The following ATP6V0A4 variants were observed in gnomAD, a reference collection of about 807,000 sequenced individuals.
ATP6V0A4 encodes V-type proton ATPase 116 kDa subunit a 4.
ATP6V0A4 carries 86 observed loss-of-function variants against 107.3 expected under a neutral mutation model. The ratio of observed to expected loss-of-function variants is 0.80; its 90% CI spans 0.67 to 0.96. ATP6V0A4 has a LOEUF of 0.96. Ranked by LOEUF, ATP6V0A4 falls within the 40% of genes least tolerant of loss-of-function variation. The probability of loss-of-function intolerance (pLI) is 0.00; values close to 1 mark genes in which losing one functional copy is unlikely to be tolerated. For synonymous variants in ATP6V0A4, 353 were observed against 381.4 expected, an observed-to-expected ratio of 0.93 and a Z score of 0.87; for missense variants, 908 against 1,045.6, an observed-to-expected ratio of 0.87 and a Z score of 1.81.
In ATP6V0A4 at chr7:138,769,312, C is replaced by CTTTT. The variant is rs540481545; in HGVS notation, c.118-65_118-62dup. 399 of 1,325,046 alleles carry CTTTT rather than the reference C, an allele frequency of 3.0e-4. 1 individual carries two copies. The Admixed American group carries it at 4.1e-3, about 14-fold the overall frequency. 82.1% of individuals were successfully genotyped at this position (1,325,046 alleles called of 1,614,324 possible). On this transcript the variant is annotated intron_variant, in intron 3 of 21. Transcript: ENST00000310018. ...GCAACAGCTGCCAATAGATTTCTTT[C>CTTTT]TTTTTTTTTTTTTTTTTTTGAGACT...
At chr7:138,727,661 G>T (rs573868126) in intron 18 of ATP6V0A4, among the ~76,000 whole-genome samples, 52 of 152,264 alleles carry the variant, frequency 3.4e-4, no homozygotes, top group Non-Finnish European at 6.5e-4. Flanking sequence ...ATCCAACAAA[G>T]ATCTCAGAAA....
chr7:138,734,028 G>A, intron 16 of ATP6V0A4, 108 bp downstream of exon 16: 1 of 1,312,348 alleles, frequency 7.6e-7, no homozygotes, highest in Non-Finnish European at 1.1e-6. Flanking sequence ...ACCCCTCATA[G>A]GAAGAAAACT....
intron 2 of ATP6V0A4, among the ~76,000 whole-genome samples, chr7:138,778,483 C>G (rs1337197264): frequency 6.6e-6 from 1 of 151,408 alleles, no homozygotes; most frequent in Non-Finnish European, 1.5e-5. Flanking sequence ...AGTCTGAAAT[C>G]TAAAACACTT....
At chr7:138,738,795 C>T (rs1202570539) in intron 15 of ATP6V0A4, among the ~76,000 whole-genome samples, 3 of 152,102 alleles carry the variant, frequency 2.0e-5, no homozygotes, top group South Asian at 2.1e-4. Flanking sequence ...TTGTCAGCAA[C>T]GAAAACGGAG....
chr7:138,772,453 G>A (rs1474742408), intron 2 of ATP6V0A4, among the ~76,000 whole-genome samples: 2 of 152,162 alleles, frequency 1.3e-5, no homozygotes, highest in African/African-American at 4.8e-5. Flanking sequence ...ATGCCCACGG[G>A]TGAGTGGGGC....
intron 18 of ATP6V0A4, 105 bp downstream of exon 18, chr7:138,728,656 C>A (rs1804835186): frequency 2.0e-6 from 3 of 1,500,368 alleles, no homozygotes. Flanking sequence ...CACCATTCTT[C>A]TGGCCCTGGC....
intron 19 of ATP6V0A4, among the ~76,000 whole-genome samples, chr7:138,716,566 AT>A (rs35748444): frequency 0.59 from 74,935 of 126,606 alleles, 19,417 homozygotes; most frequent in African/African-American, 0.66. Flanking sequence ...GTGACAGACA[AT>A]TTTTTTTTGG....
chr7:138,709,580 T>C, intron 21 of ATP6V0A4, 44 bp downstream of exon 21: 3 of 1,597,258 alleles, frequency 1.9e-6, no homozygotes, highest in South Asian at 1.1e-5. Context: ...GCCCACTCCC[T>C]TTCCCAACAC....
At chr7:138,780,490 G>C (rs2130184472) in intron 2 of ATP6V0A4, among the ~76,000 whole-genome samples, 1 of 152,288 alleles carries the variant, frequency 6.6e-6, no homozygotes, top group African/African-American at 2.4e-5. Flanking sequence ...ATAGCTGGCG[G>C]ATCACCCCAG....
chr7:138,725,133 A>G (rs1356591110), intron 18 of ATP6V0A4, among the ~76,000 whole-genome samples: 2 of 152,100 alleles, frequency 1.3e-5, no homozygotes, highest in African/African-American at 4.8e-5. Flanking sequence ...ATAGCTGGGC[A>G]TTGTGGTGCA....
rs750420028 is a variant in ATP6V0A4 at position 138,768,807 on chromosome 7, C to T, written c.264G>A (p.Pro88=). Residue 88 remains proline (P), a synonymous_variant, in exon 5 of 22, where the codon CCG becomes CCA. Transcript: ENST00000310018. The stretch of plus-strand genomic sequence containing the variant: ...CCAGGGTAATCATTTCCCGTGGGAG[C>T]GGGGTCAGTGGGCTTTTCTCGAGCA... ...VQLLEKSPLT[P]LPREMITLET... 2.3e-5 allele frequency: 37 copies of T among 1,614,040 alleles called. No homozygotes were observed. Among genetic ancestry groups the T allele is most frequent in the Non-Finnish European group, 2.8e-5 (33 of 1,180,032 alleles).
intron 5 of ATP6V0A4, among the ~76,000 whole-genome samples, chr7:138,766,531 A>G (rs1807102024): frequency 1.3e-5 from 2 of 151,796 alleles, no homozygotes; most frequent in South Asian, 2.1e-4. Flanking sequence ...TTTTTTTTTA[A>G]TCCATCTAAG....
chr7:138,750,417 G>C (rs531665983), intron 11 of ATP6V0A4, among the ~76,000 whole-genome samples: 19 of 152,134 alleles, frequency 1.2e-4, no homozygotes, highest in Admixed American at 1.0e-3. Flanking sequence ...TGTTACACAG[G>C]CTGGTCTTGA....
At chr7:138,730,193 T>G (rs1235611271) in intron 17 of ATP6V0A4, among the ~76,000 whole-genome samples, 3 of 151,938 alleles carry the variant, frequency 2.0e-5, no homozygotes, top group Non-Finnish European at 4.4e-5. Context: ...CTCACTCTAC[T>G]TTTAAATGTC....
At position 138,734,309 on chromosome 7, in the gene ATP6V0A4, T is replaced by C. The variant is rs1805193063; in HGVS notation, c.1573-55A>G. 1.9e-6 allele frequency: 3 copies of C among 1,607,888 alleles called. No homozygotes were observed. The South Asian group carries it at 3.3e-5, about 18-fold the overall frequency. ...TGAGAGAGAGTCTTAGAAGTTCTACTGGAGTTGAGGGCTACAGCACAACTT... is the reference window on the plus strand; with the variant it reads ...TGAGAGAGAGTCTTAGAAGTTCTACCGGAGTTGAGGGCTACAGCACAACTT... On this transcript the variant is annotated intron_variant, in intron 15 of 21. Transcript: ENST00000310018.
At chr7:138,711,994 G>A (rs753407516) in intron 20 of ATP6V0A4, among the ~76,000 whole-genome samples, 3 of 152,276 alleles carry the variant, frequency 2.0e-5, no homozygotes, top group East Asian at 3.9e-4. Flanking sequence ...GTGCAGTGGT[G>A]TGATCTCGGC....
At chr7:138,761,743 G>A (rs1244861994) in intron 7 of ATP6V0A4, among the ~76,000 whole-genome samples, 2 of 152,046 alleles carry the variant, frequency 1.3e-5, no homozygotes, top group African/African-American at 4.8e-5. Flanking sequence ...GCAGTGGCAC[G>A]ATCTTGGCTC....
At chr7:138,775,993 A>G (rs1807642719) in intron 2 of ATP6V0A4, among the ~76,000 whole-genome samples, 1 of 151,932 alleles carries the variant, frequency 6.6e-6, no homozygotes, top group Non-Finnish European at 1.5e-5. Flanking sequence ...ATATGACAAC[A>G]TAAAGACAGG....
At chr7:138,719,006 G>A (rs140786284) in intron 19 of ATP6V0A4, among the ~76,000 whole-genome samples, 144 of 152,000 alleles carry the variant, frequency 9.5e-4, no homozygotes, top group African/African-American at 3.0e-3. Flanking sequence ...GCAACAAAGT[G>A]AGACCCCATC....
Sources: gnomAD v4.1 joint callset for allele counts (sites outside exome capture counted in the v4.1 genomes callset) on GRCh38, gnomAD v4.1.1 for gene constraint, MANE v1.5 for transcripts, NCBI Gene and HGNC (gene_info 2026-07-23, HGNC 2026-07-21) for gene names.